ZNF529: variants seen among roughly 807,000 people sequenced by gnomAD.
ZNF529 encodes the protein zinc finger protein 529.
In ZNF529, 11 loss-of-function variants were observed where a neutral mutation model predicts 10.1. That is an observed-to-expected ratio of 1.09 (90% CI 0.69 to 1.81). The LOEUF is 1.81. ZNF529 is among the 40% of genes most tolerant of loss of function. The pLI is 0.00. For missense variants in ZNF529, 624 were observed against 666.8 expected, an observed-to-expected ratio of 0.94 and a Z score of 0.71; for synonymous variants, 204 against 215.7, an observed-to-expected ratio of 0.95 and a Z score of 0.47.
At chr19:36,600,663 C>G (rs970340473) in intron 1 of ZNF529, among the ~76,000 whole-genome samples, 3 of 152,030 alleles carry the variant, frequency 2.0e-5, no homozygotes, top group African/African-American at 7.2e-5. Context: ...CCTTAATACT[C>G]TCATAAAATT....
chr19:36,547,919 G>T lies in ZNF529; in HGVS notation c.639C>A (p.Ser213=). ...TATGAATATTCAGTTGTAACATACTGGAGTTATCTATCCCAAAGGTTTTCC... is the reference window on the plus strand; with the variant it reads ...TATGAATATTCAGTTGTAACATACTTGAGTTATCTATCCCAAAGGTTTTCC... The part of the protein sequence containing the change: ...QCWKTFGIDN[S]SMLQLNIHTG... Residue 213 remains serine, a synonymous_variant, in exon 5 of 5, where the codon TCC becomes TCA. Coordinates refer to ENST00000591340, the MANE Select transcript of ZNF529 (RefSeq NM_020951.5). 2 of 1,612,686 alleles carry T rather than the reference G, an allele frequency of 1.2e-6. No homozygotes were observed. The highest frequency in any genetic ancestry group is 8.5e-7 in the Non-Finnish European group (1 of 1,179,398).
At position 36,563,723 on chromosome 19, in the gene ZNF529, G is replaced by A. The variant is rs533456931; in HGVS notation, c.15-7526C>T. ...GCCCAAGGCAATTTATAGATTCAAT[G>A]CTATTCCTATCAAACTACCAAGGAC... On this transcript the variant is annotated intron_variant, in intron 2 of 4. Coordinates refer to ENST00000591340, the MANE Select transcript of ZNF529 (RefSeq NM_020951.5). Among the ~76,000 whole-genome samples, 3 of 152,292 alleles carry A rather than the reference G, an allele frequency of 2.0e-5. No individual in the cohort carries two copies. The South Asian group carries it at 6.2e-4, about 32-fold the overall frequency.
intron 2 of ZNF529, among the ~76,000 whole-genome samples, chr19:36,570,445 G>A (rs998003280): frequency 7.9e-5 from 12 of 151,742 alleles, no homozygotes; most frequent in South Asian, 6.2e-4. Flanking sequence ...TGGCTTAGGA[G>A]AGCTTCCCTG....
At chr19:36,552,283 A>C (rs2035292191) in intron 4 of ZNF529, among the ~76,000 whole-genome samples, 1 of 152,090 alleles carries the variant, frequency 6.6e-6, no homozygotes, top group Non-Finnish European at 1.5e-5. Flanking sequence ...ACAAAAAATT[A>C]GCCGGGCGTG....
intron 2 of ZNF529, 40 bp from the exon 3 acceptor site, chr19:36,556,237 GTC>G (rs1205778905): frequency 5.0e-6 from 4 of 799,240 alleles, no homozygotes; most frequent in Admixed American, 2.0e-5. Flanking sequence ...ACCATTAAAA[GTC>G]TCTGGAAATG....
chr19:36,583,185 G>A (rs1243378112), intron 2 of ZNF529, among the ~76,000 whole-genome samples: 3 of 151,902 alleles, frequency 2.0e-5, no homozygotes, highest in African/African-American at 7.3e-5. Context: ...AGCCTCCCAA[G>A]TAGCTGGGAG....
chr19:36,550,408 C>T (rs1255220649), intron 4 of ZNF529, among the ~76,000 whole-genome samples: 5 of 152,058 alleles, frequency 3.3e-5, no homozygotes, highest in African/African-American at 4.8e-5. Context: ...TAGCTAGGCA[C>T]GGTGGCACAT....
Position 36,547,404 on chromosome 19 carries a change from T to C in ZNF529, c.1154A>G (p.Gln385Arg). Reference sequence around the variant, plus strand: ...GGGTTTCTTACCAGTATGAATTCTCTGATGACGAGCAAGTTCTCTACATAC... The same window carrying C: ...GGGTTTCTTACCAGTATGAATTCTCCGATGACGAGCAAGTTCTCTACATAC... ...FGVCRELARH[Q>R]RIHTGKKPYE... Residue 385 changes from glutamine to arginine, a missense_variant, in exon 5 of 5, where the codon CAG becomes CGG. Physicochemically the swap from Gln to Arg is conservative, Grantham distance 43. Transcript: ENST00000591340. 6.2e-7 allele frequency: 1 copy of C among 1,614,006 alleles called. No individual in the cohort carries two copies. The highest frequency in any genetic ancestry group is 8.5e-7 in the Non-Finnish European group (1 of 1,179,930).
intron 1 of ZNF529, among the ~76,000 whole-genome samples, chr19:36,600,770 C>T (rs1452478137): frequency 3.9e-5 from 6 of 152,192 alleles, no homozygotes; most frequent in East Asian, 1.9e-4. Flanking sequence ...TGAAGTATCC[C>T]TGTTCTAGAC....
rs553201904 is a variant in ZNF529, at chr19:36,562,601, C to T, written c.15-6404G>A. Among the ~76,000 whole-genome samples the T allele has an allele frequency of 1.1e-3, 170 of 150,460 alleles. 1 individual carries two copies. The highest frequency in any genetic ancestry group is 4.0e-3 in the African/African-American group (163 of 40,956). On this transcript the variant is annotated intron_variant, in intron 2 of 4. Transcript: ENST00000591340. ...CTGTAATCCTAGCACTTTGGGAGGC[C>T]GAGGTGGGCGGATCACGAGGTCAGG...
chr19:36,556,050 A>G (rs1190029319), intron 3 of ZNF529, 54 bp downstream of exon 3: 6 of 1,534,320 alleles, frequency 3.9e-6, no homozygotes, highest in Middle Eastern at 1.7e-4. Context: ...GGTGTTTGGT[A>G]GGAAGAATCA....
chr19:36,597,639 A>T (rs1696121899), intron 1 of ZNF529, among the ~76,000 whole-genome samples: 1 of 152,222 alleles, frequency 6.6e-6, no homozygotes, highest in African/African-American at 2.4e-5. Context: ...ATATTTTGAC[A>T]ATAATGGTCA....
chr19:36,550,471 G>T (rs889415007), intron 4 of ZNF529, among the ~76,000 whole-genome samples: 5 of 152,110 alleles, frequency 3.3e-5, no homozygotes, highest in Non-Finnish European at 7.3e-5. Context: ...GCTCAAACCT[G>T]GGAGACGGAG....
rs915954309 is a variant in ZNF529, at chr19:36,557,244, C to T, written c.15-1047G>A. On this transcript the variant is annotated intron_variant, in intron 2 of 4. Transcript: ENST00000591340. ...GTCTGTAAAAGTAGGCAAGGCTGTACTCCCAATGAGCAACATCAGAGATTT... is the reference window on the plus strand; with the variant it reads ...GTCTGTAAAAGTAGGCAAGGCTGTATTCCCAATGAGCAACATCAGAGATTT... Among the ~76,000 whole-genome samples, 7 of 152,174 alleles carry T rather than the reference C, an allele frequency of 4.6e-5. No individual in the cohort carries two copies. In the South Asian group the frequency reaches 6.2e-4, roughly 13 times the overall value.
At chr19:36,578,291 CTTTTTTTTTTTTTTTTTTT>C (rs1159725232), upstream of ZNF529, among the ~76,000 whole-genome samples, 13 of 31,818 alleles carry the variant, frequency 4.1e-4, no homozygotes, top group South Asian at 3.6e-3. Flanking sequence ...GTCTTGATCT[CTTTTTTTTTTTTTTTTTTT>C]TTTTTTTTTT....
upstream of ZNF529, among the ~76,000 whole-genome samples, chr19:36,574,322 G>C (rs1454673350): frequency 2.6e-5 from 4 of 152,162 alleles, no homozygotes; most frequent in African/African-American, 9.7e-5. Flanking sequence ...AGTTATTGAC[G>C]TAAGACTTAG....
rs555745979 is a variant in ZNF529 at position 36,567,941 on chromosome 19, T to C, written c.14+4392A>G. Reference sequence around the variant, plus strand: ...TCATGAGCATTTAACATCCAGAATATATAAAAACTCCTACAACTCAGCCCA... The same window carrying C: ...TCATGAGCATTTAACATCCAGAATACATAAAAACTCCTACAACTCAGCCCA... On this transcript the variant is annotated intron_variant, in intron 2 of 4. Transcript: ENST00000591340. 3.3e-5 allele frequency among the ~76,000 whole-genome samples: 5 copies of C among 152,192 alleles called. No homozygotes were observed. The East Asian group carries it at 5.8e-4, about 18-fold the overall frequency.
chr19:36,587,585 A>T (rs1253900747), intron 2 of ZNF529: 2 of 152,222 alleles, frequency 1.3e-5, no homozygotes, highest in Non-Finnish European at 2.9e-5. Flanking sequence ...TATTCACAGT[A>T]GCCAAAAAAT....
chr19:36,579,199 T>TA (rs778678870), intron 2 of ZNF529, among the ~76,000 whole-genome samples: 6,045 of 139,360 alleles, frequency 0.043, 395 homozygotes, highest in African/African-American at 0.15. Flanking sequence ...AGACTCCGTC[T>TA]AAAAAAAAAA....
Sources: allele counts gnomAD v4.1 joint callset (sites outside exome capture counted in the v4.1 genomes callset), GRCh38; gene constraint gnomAD v4.1.1; transcripts MANE v1.5; gene names NCBI Gene and HGNC (gene_info 2026-07-23, HGNC 2026-07-21).